The following CMTM7 variants were observed in gnomAD, a reference collection of about 807,000 sequenced individuals.
CMTM7 encodes the protein CKLF like MARVEL transmembrane domain containing 7.
Under a neutral mutation model 19.3 loss-of-function variants are expected in CMTM7, and 7 were observed. The observed-to-expected ratio is 0.36, with a 90% CI of 0.21 to 0.68. The LOEUF (loss-of-function observed/expected upper bound fraction) is 0.68, where lower values mean the gene tolerates loss of function less well. CMTM7 is among the 30% of genes least tolerant of loss of function. CMTM7 has a pLI of 0.60. For missense variants in CMTM7, 193 were observed against 232.6 expected, an observed-to-expected ratio of 0.83 and a Z score of 1.11; for synonymous variants, 87 against 99.3, an observed-to-expected ratio of 0.88 and a Z score of 0.74.
intron 1 of CMTM7, among the ~76,000 whole-genome samples, chr3:32,411,026 G>T (rs1164180263): frequency 6.6e-6 from 1 of 152,236 alleles, no homozygotes; most frequent in Non-Finnish European, 1.5e-5. Context: ...GTGGCCCTTT[G>T]CCTGGCAGAG....
At chr3:32,424,491 G>T (rs1039854621) in intron 1 of CMTM7, among the ~76,000 whole-genome samples, 2 of 152,172 alleles carry the variant, frequency 1.3e-5, no homozygotes, top group African/African-American at 4.8e-5. Context: ...GCCATTTTTG[G>T]AAAACACAGC....
chr3:32,451,649 A>G (rs1272721494), intron 3 of CMTM7: 10 of 185,978 alleles, frequency 5.4e-5, no homozygotes, highest in Non-Finnish European at 1.1e-4. Flanking sequence ...GTTCACAAGC[A>G]AGGAAAATGG....
At chr3:32,440,094 CA>C (rs2125639069) in intron 1 of CMTM7, among the ~76,000 whole-genome samples, 1 of 100,956 alleles carries the variant, frequency 9.9e-6, no homozygotes, top group East Asian at 2.6e-4. Flanking sequence ...CACACACACA[CA>C]CACACACACA....
At chr3:32,420,788 G>A (rs1227343916) in intron 1 of CMTM7, among the ~76,000 whole-genome samples, 1 of 152,210 alleles carries the variant, frequency 6.6e-6, no homozygotes, top group Non-Finnish European at 1.5e-5. Flanking sequence ...ACTGGGTCTG[G>A]GGGCAGGAGA....
At chr3:32,448,825 A>G (rs1696788995) in intron 2 of CMTM7, among the ~76,000 whole-genome samples, 1 of 151,168 alleles carries the variant, frequency 6.6e-6, no homozygotes, top group African/African-American at 2.4e-5. Flanking sequence ...TGAGAAAGCC[A>G]GCTGCCACCA....
intron 4 of CMTM7, 73 bp downstream of exon 4, chr3:32,452,546 A>C: frequency 6.8e-7 from 1 of 1,462,458 alleles, no homozygotes; most frequent in Non-Finnish European, 9.6e-7. Flanking sequence ...CTTCAGCCAT[A>C]GGGACAAACC....
chr3:32,407,288 A>T (rs867427659), intron 1 of CMTM7, among the ~76,000 whole-genome samples: 1 of 152,166 alleles, frequency 6.6e-6, no homozygotes, highest in Non-Finnish European at 1.5e-5. Flanking sequence ...TACAGATCTC[A>T]TAAGATTTTT....
At chr3:32,398,466 AAAG>A (rs1559399396) in intron 1 of CMTM7, among the ~76,000 whole-genome samples, 1 of 152,150 alleles carries the variant, frequency 6.6e-6, no homozygotes, top group Non-Finnish European at 1.5e-5. Flanking sequence ...GGAACTGTGG[AAAG>A]AAGACAGATG....
At chr3:32,446,666 G>A (rs889408618) in intron 2 of CMTM7, among the ~76,000 whole-genome samples, 3 of 152,088 alleles carry the variant, frequency 2.0e-5, no homozygotes, top group Non-Finnish European at 4.4e-5. Flanking sequence ...TGGATCATGG[G>A]GGCAGATCCC....
At chr3:32,407,838 A>G (rs1696111917) in intron 1 of CMTM7, among the ~76,000 whole-genome samples, 1 of 152,190 alleles carries the variant, frequency 6.6e-6, no homozygotes. Flanking sequence ...TGTGATCACT[A>G]CTGTAACTTA....
At chr3:32,403,970 T>C (rs1346286050) in intron 1 of CMTM7, among the ~76,000 whole-genome samples, 4 of 152,032 alleles carry the variant, frequency 2.6e-5, no homozygotes, top group Non-Finnish European at 5.9e-5. Context: ...GTATACACCA[T>C]ATTTTAGGAA....
intron 1 of CMTM7, among the ~76,000 whole-genome samples, chr3:32,401,901 CA>C (rs1265393958): frequency 6.6e-6 from 1 of 152,234 alleles, no homozygotes; most frequent in Non-Finnish European, 1.5e-5. Flanking sequence ...CTGCTCCAGC[CA>C]CCCGGCGCTC....
In CMTM7 at chr3:32,416,361, A is replaced by ATTTTTTTT. The variant is rs58085712; in HGVS notation, c.159+24325_159+24332dup. Among the ~76,000 whole-genome samples the ATTTTTTTT allele has an allele frequency of 3.5e-4, 25 of 72,416 alleles. 2 individuals are homozygous for ATTTTTTTT. Among genetic ancestry groups the ATTTTTTTT allele is most frequent in the African/African-American group, 1.4e-3 (24 of 17,004 alleles). 47.5% of individuals were successfully genotyped at this position (72,416 alleles called of 152,430 possible). ...CAGACGTGCGCCACCATCCGGGCTA[A>ATTTTTTTT]TTTTTTTTTTTTTTTTTTTTTTTTT... is the stretch of plus-strand genomic sequence containing the variant. On this transcript the variant is annotated intron_variant, in intron 1 of 4. Coordinates refer to ENST00000334983, the MANE Select transcript of CMTM7 (RefSeq NM_138410.4).
At chr3:32,428,560 C>A (rs547026704) in intron 1 of CMTM7, among the ~76,000 whole-genome samples, 1 of 152,180 alleles carries the variant, frequency 6.6e-6, no homozygotes, top group Non-Finnish European at 1.5e-5. Flanking sequence ...GGGGCGGCTT[C>A]CCTGTTGGGG....
chr3:32,437,247 G>T (rs1338094715), intron 1 of CMTM7, among the ~76,000 whole-genome samples: 1 of 152,142 alleles, frequency 6.6e-6, no homozygotes, highest in Non-Finnish European at 1.5e-5. Context: ...GTGGTATCAT[G>T]GCTGGTCTGT....
At chr3:32,408,312 A>G (rs1404499609) in intron 1 of CMTM7, among the ~76,000 whole-genome samples, 1 of 152,222 alleles carries the variant, frequency 6.6e-6, no homozygotes, top group Non-Finnish European at 1.5e-5. Context: ...CAACCAATTA[A>G]ATATTTTCCA....
intron 1 of CMTM7, among the ~76,000 whole-genome samples, chr3:32,414,624 T>C (rs1207951527): frequency 6.6e-6 from 1 of 152,132 alleles, no homozygotes; most frequent in African/African-American, 2.4e-5. Flanking sequence ...TTCTGATTCA[T>C]ACACAGGAAG....
Position 32,449,828 on chromosome 3 carries a change from T to C in CMTM7, c.432+276T>C, listed in dbSNP as rs1408409403. 6.6e-6 allele frequency among the ~76,000 whole-genome samples: 1 copy of C among 152,040 alleles called. No individual in the cohort carries two copies. The highest frequency in any genetic ancestry group is 1.5e-5 in the Non-Finnish European group (1 of 68,004). On this transcript the variant is annotated intron_variant, in intron 3 of 4. Transcript: ENST00000334983. This position sits in a 1 kb window ranked among gnomAD's most constrained non-coding sequence, Gnocchi z 4.5. ...ACTGAAATCAGGGGGCCAGGCGGGT[T>C]TTAATTCACACACCCACTCTGATCA... is the stretch of plus-strand genomic sequence containing the variant.
Position 32,452,439 on chromosome 3 carries a change from G to A in CMTM7, c.480G>A (p.Leu160=). ...TCCTCTGCATGGCAAGCATATGGCT[G>A]TCCTATAAGATCTCGTGTGTAACCC... ...ATFLCMASIW[L]SYKISCVTQS... Residue 160 remains leucine, a synonymous_variant, in exon 4 of 5, where the codon CTG becomes CTA. Coordinates refer to ENST00000334983, the MANE Select transcript of CMTM7 (RefSeq NM_138410.4). 1 of 1,614,188 alleles carries A rather than the reference G, an allele frequency of 6.2e-7. No homozygotes were observed. The highest frequency in any genetic ancestry group is 8.5e-7 in the Non-Finnish European group (1 of 1,180,032).
Sources: allele counts gnomAD v4.1 joint callset (sites outside exome capture counted in the v4.1 genomes callset), GRCh38; gene constraint gnomAD v4.1.1; non-coding constraint Gnocchi (gnomAD v3.1); transcripts MANE v1.5; gene names NCBI Gene and HGNC (gene_info 2026-07-23, HGNC 2026-07-21).